Variants in LPIN1 observed in about 807,000 individuals in gnomAD.
LPIN1 encodes phosphatidate phosphatase LPIN1.
LPIN1 carries 71 observed loss-of-function variants against 107.5 expected under a neutral mutation model. That is an observed-to-expected ratio of 0.66 (90% CI 0.55 to 0.80). LPIN1 has a LOEUF of 0.80. LPIN1 is among the 30% of genes least tolerant of loss of function. The pLI is 0.00. For missense variants in LPIN1, 1,043 were observed against 1,160.6 expected (o/e 0.90, Z 1.47); for synonymous variants, 445 against 452.6 (o/e 0.98, Z 0.21).
chr2:11,760,725 G>A (rs1669687038), intron 1 of LPIN1, among the ~76,000 whole-genome samples: 3 of 152,078 alleles, frequency 2.0e-5, no homozygotes, highest in Admixed American at 2.0e-4. Context: ...GGGGGAGGGG[G>A]AGGTTTCTGT....
rs78827333 is a variant in LPIN1, at chr2:11,760,934, C to T, written c.-9-4599C>T. Among the ~76,000 whole-genome samples the T allele has an allele frequency of 4.6e-3, 703 of 152,086 alleles. 9 individuals are homozygous for T. In the East Asian group the frequency reaches 0.053, roughly 12 times the overall value. Reference sequence around the variant, plus strand: ...GACATGAGAAGGAGCTTCACAGAACCGAAAGAGAGGTCACTTCAAAATCCA... The same window carrying T: ...GACATGAGAAGGAGCTTCACAGAACTGAAAGAGAGGTCACTTCAAAATCCA... On this transcript the variant is annotated intron_variant, in intron 1 of 20. Coordinates refer to ENST00000674199, the MANE Select transcript of LPIN1 (RefSeq NM_001349206.2).
At chr2:11,751,779 G>A (rs1667829944) in intron 1 of LPIN1, among the ~76,000 whole-genome samples, 1 of 152,214 alleles carries the variant, frequency 6.6e-6, no homozygotes, top group Non-Finnish European at 1.5e-5. Flanking sequence ...GTGAACCTGG[G>A]AGGCGGAGCT....
intron 11 of LPIN1, 27 bp from the exon 12 acceptor site, chr2:11,788,360 G>T: frequency 6.3e-7 from 1 of 1,579,390 alleles, no homozygotes; most frequent in South Asian, 1.1e-5. Flanking sequence ...TCGGTTTTTT[G>T]ACATATATTT....
intron 1 of LPIN1, among the ~76,000 whole-genome samples, chr2:11,689,776 G>A (rs915496776): frequency 1.3e-5 from 2 of 152,044 alleles, no homozygotes; most frequent in Non-Finnish European, 2.9e-5. Flanking sequence ...GTTGTGGCGG[G>A]TGCCTGTATT....
chr2:11,763,964 A>AGTGTGTGTGT (rs143711712), intron 1 of LPIN1, among the ~76,000 whole-genome samples: 5,585 of 133,984 alleles, frequency 0.042, 168 homozygotes, highest in African/African-American at 0.092. Flanking sequence ...CATATATTTT[A>AGTGTGTGTGT]GTGTGTGTGT....
At chr2:11,727,008 A>T (rs1664731929) in intron 1 of LPIN1, among the ~76,000 whole-genome samples, 1 of 152,246 alleles carries the variant, frequency 6.6e-6, no homozygotes, top group Admixed American at 6.5e-5. Flanking sequence ...CAGACATGCC[A>T]TGCTGGAGTT....
chr2:11,735,511 C>G (rs1665708083), intron 1 of LPIN1, among the ~76,000 whole-genome samples: 1 of 152,156 alleles, frequency 6.6e-6, no homozygotes, highest in Non-Finnish European at 1.5e-5. Context: ...TGTCTTGTCC[C>G]TTTCCTGTGA....
At chr2:11,777,554 G>A (rs1672863315) in intron 6 of LPIN1, 1 of 152,132 alleles carries the variant, frequency 6.6e-6, no homozygotes, top group South Asian at 2.1e-4. Context: ...GTCAAATCTG[G>A]TCCACCATCT....
chr2:11,785,113 G>T (rs754764110), intron 10 of LPIN1, 37 bp downstream of exon 10: 1 of 1,488,530 alleles, frequency 6.7e-7, no homozygotes. Context: ...TCTGGTGGCC[G>T]CCGGTCAGAA....
In LPIN1 at chr2:11,782,377, T is replaced by G; in HGVS notation, c.1134T>G (p.Phe378Leu). 1.9e-6 allele frequency: 3 copies of G among 1,614,178 alleles called. No individual in the cohort carries two copies. The African/African-American group carries it at 4.0e-5, about 22-fold the overall frequency. ...ACAAGCCTCAGACAGAAATGCAGTT[T>G]GTGAATGAAGAAGACCTGGAGACCT... is the stretch of plus-strand genomic sequence containing the variant. ...DQNKPQTEMQ[F>L]VNEEDLETLG... The change falls in exon 8 of 21, where the codon TTT becomes TTG. Residue 378 changes from phenylalanine (F) to leucine (L), a missense_variant. Transcript: ENST00000674199.
intron 1 of LPIN1, among the ~76,000 whole-genome samples, chr2:11,690,794 T>G (rs1258895559): frequency 6.6e-6 from 1 of 152,188 alleles, no homozygotes. Flanking sequence ...TTCCAGTATT[T>G]CTAATAGATT....
intron 20 of LPIN1, among the ~76,000 whole-genome samples, chr2:11,821,491 T>A (rs1432837030): frequency 6.6e-6 from 1 of 152,094 alleles, no homozygotes; most frequent in African/African-American, 2.4e-5. Flanking sequence ...CACTCCAGCC[T>A]GGGCGACAGA....
chr2:11,739,841 G>A (rs531672676), intron 1 of LPIN1, among the ~76,000 whole-genome samples: 6 of 152,230 alleles, frequency 3.9e-5, no homozygotes, highest in South Asian at 2.1e-4. Flanking sequence ...GTGTTAAAAC[G>A]GCTACTATTT....
Position 11,765,553 on chromosome 2 carries a change from G to A in LPIN1, c.12G>A (p.Val4=), listed in dbSNP as rs1287171840. 4.3e-6 allele frequency: 7 copies of A among 1,613,882 alleles called. No homozygotes were observed. In the Middle Eastern group the frequency reaches 5.0e-4, roughly 114 times the overall value. Residue 4 remains valine (V), a synonymous_variant, in exon 2 of 21, where the codon GTG becomes GTA. Coordinates refer to ENST00000674199, the MANE Select transcript of LPIN1 (RefSeq NM_001349206.2). This position sits in a 1 kb window ranked among gnomAD's most constrained non-coding sequence, Gnocchi z 4.4. MNY[V]GQLAGQVFVT... ...TCCAGGTGCAGACCATGAATTACGT[G>A]GGGCAGTTAGCCGGCCAGGTGTTTG... is the stretch of plus-strand genomic sequence containing the variant.
intron 1 of LPIN1, among the ~76,000 whole-genome samples, chr2:11,679,750 T>C (rs1406545602): frequency 6.6e-6 from 1 of 152,238 alleles, no homozygotes; most frequent in African/African-American, 2.4e-5. Flanking sequence ...GCGGTGCCCA[T>C]GGCCTTTTGC....
At chr2:11,783,415 G>A (rs1474968934) in intron 8 of LPIN1, among the ~76,000 whole-genome samples, 29 of 152,206 alleles carry the variant, frequency 1.9e-4, no homozygotes, top group Admixed American at 6.5e-5. Flanking sequence ...CAGGCCACAC[G>A]ATGGTGGATG....
upstream of LPIN1, among the ~76,000 whole-genome samples, chr2:11,743,821 C>T (rs181183461): frequency 4.1e-4 from 62 of 152,258 alleles, no homozygotes; most frequent in African/African-American, 1.3e-3. The surrounding 1 kb of genome is among the most constrained non-coding windows in gnomAD (Gnocchi z 4.7). Context: ...TCATTCTTCC[C>T]GCCTACCTTG....
chr2:11,782,682 A>C (rs1374490784), intron 8 of LPIN1, among the ~76,000 whole-genome samples, 175 bp downstream of exon 8: 1 of 152,236 alleles, frequency 6.6e-6, no homozygotes, highest in African/African-American at 2.4e-5. Flanking sequence ...ATTTAGTCAT[A>C]GGAAATCAGA....
chr2:11,715,694 A>G (rs759866917), intron 2 of LPIN1, among the ~76,000 whole-genome samples: 9 of 152,136 alleles, frequency 5.9e-5, no homozygotes, highest in Non-Finnish European at 1.2e-4. Flanking sequence ...TTCCAAGAGA[A>G]GGTGAGTGTT....
Sources: allele counts gnomAD v4.1 joint callset (sites outside exome capture counted in the v4.1 genomes callset), GRCh38; gene constraint gnomAD v4.1.1; non-coding constraint Gnocchi (gnomAD v3.1); transcripts MANE v1.5; gene names NCBI Gene and HGNC (gene_info 2026-07-23, HGNC 2026-07-21).